Variants in ADAM32 observed in about 807,000 individuals in gnomAD.
ADAM32 encodes the protein ADAM metallopeptidase domain 32, also known as disintegrin and metalloproteinase domain-containing protein 32.
ADAM32 carries 89 observed loss-of-function variants against 114.9 expected under a neutral mutation model. That is an observed-to-expected ratio of 0.77 (90% CI 0.65 to 0.92). ADAM32 has a LOEUF of 0.92. ADAM32 is among the 40% of genes least tolerant of loss of function. ADAM32 has a pLI of 0.00. For missense variants in ADAM32, 870 were observed against 932.8 expected (o/e 0.93, Z 0.88); for synonymous variants, 285 against 307.5 (o/e 0.93, Z 0.77).
rs541044060 is a variant in ADAM32 at position 39,274,436 on chromosome 8, G to A, written c.2240+86G>A. On this transcript the variant is annotated intron_variant, in intron 21 of 24. Coordinates refer to ENST00000379907, the MANE Select transcript of ADAM32 (RefSeq NM_145004.7). ...TCACAATTTATTTCTAAATATTTTT[G>A]AACAATGTCAATTGGTAAAGCAATG... 1.5e-4 allele frequency: 221 copies of A among 1,463,134 alleles called. No homozygotes were observed. The East Asian group carries it at 4.9e-3, about 32-fold the overall frequency. The allele number at this position is 1,463,134 out of a possible 1,614,324, so 90.6% of individuals were successfully genotyped here.
chr8:39,278,358 C>T (rs953900230), intron 22 of ADAM32, among the ~76,000 whole-genome samples: 10 of 152,210 alleles, frequency 6.6e-5, no homozygotes, highest in Admixed American at 1.3e-4. Context: ...TGGTGGTTTC[C>T]GGCTTTTCGG....
chr8:39,123,432 T>G (rs1034638817), intron 2 of ADAM32, among the ~76,000 whole-genome samples: 3 of 152,226 alleles, frequency 2.0e-5, no homozygotes, highest in Non-Finnish European at 2.9e-5. Flanking sequence ...ACTGGGGGTT[T>G]GGTTTTCAAC....
chr8:39,171,479 T>TA (rs1269596113), intron 10 of ADAM32, among the ~76,000 whole-genome samples: 4 of 152,028 alleles, frequency 2.6e-5, no homozygotes, highest in Admixed American at 2.6e-4. Flanking sequence ...TCTATATATA[T>TA]TTTTTTGCAA....
intron 12 of ADAM32, among the ~76,000 whole-genome samples, chr8:39,216,094 A>T (rs1016777507): frequency 3.3e-5 from 5 of 152,022 alleles, no homozygotes; most frequent in Non-Finnish European, 7.4e-5. Context: ...TGTTGGGTGC[A>T]TATGTATTTA....
intron 12 of ADAM32, among the ~76,000 whole-genome samples, chr8:39,216,974 C>T (rs7816478): frequency 0.028 from 4,184 of 151,820 alleles, 215 homozygotes; most frequent in African/African-American, 0.095. Flanking sequence ...TATTATCACT[C>T]GTTAACGTCC....
chr8:39,282,833 C>A (rs907645381), intron 23 of ADAM32, among the ~76,000 whole-genome samples: 5 of 151,888 alleles, frequency 3.3e-5, no homozygotes, highest in Non-Finnish European at 7.4e-5. Context: ...AAATACAGAT[C>A]TTTTTATTGG....
rs182694224 is a variant in ADAM32 at position 39,173,696 on chromosome 8, A to G, written c.915+3699A>G. On this transcript the variant is annotated intron_variant, in intron 10 of 24. Transcript: ENST00000379907. ...ATCCCATTTGTCAGTTTTTGCTTTT[A>G]TTATGATTGCTTTTTTCATTTTTGT... 3.4e-3 allele frequency among the ~76,000 whole-genome samples: 514 copies of G among 152,112 alleles called. 7 individuals are homozygous for G. The highest frequency in any genetic ancestry group is 0.011 in the African/African-American group (469 of 41,516).
intron 19 of ADAM32, among the ~76,000 whole-genome samples, chr8:39,265,271 T>C (rs945386134): frequency 9.9e-5 from 15 of 152,166 alleles, no homozygotes; most frequent in Non-Finnish European, 1.8e-4. Flanking sequence ...TGTCCTTTTT[T>C]ATTGTTTTTG....
At chr8:39,174,366 C>G (rs924458997) in intron 10 of ADAM32, among the ~76,000 whole-genome samples, 1 of 152,046 alleles carries the variant, frequency 6.6e-6, no homozygotes, top group Non-Finnish European at 1.5e-5. Flanking sequence ...GTTACTGTAG[C>G]CTTGTAGTAT....
At chr8:39,197,151 A>G (rs2129447670) in intron 11 of ADAM32, among the ~76,000 whole-genome samples, 1 of 152,072 alleles carries the variant, frequency 6.6e-6, no homozygotes, top group Admixed American at 6.5e-5. Context: ...ATAGATTCTA[A>G]TGATTTTTTG....
chr8:39,249,121 G>T (rs1023700721), intron 17 of ADAM32, among the ~76,000 whole-genome samples: 2 of 152,020 alleles, frequency 1.3e-5, no homozygotes, highest in African/African-American at 4.8e-5. Flanking sequence ...AGCCAGGATG[G>T]TCTCGATCTC....
intron 16 of ADAM32, among the ~76,000 whole-genome samples, chr8:39,244,321 C>CA (rs1264976699): frequency 1.1e-4 from 17 of 151,802 alleles, no homozygotes; most frequent in South Asian, 1.0e-3. Flanking sequence ...AAAGGCTAAG[C>CA]AAAAAAACAA....
intron 3 of ADAM32, 100 bp downstream of exon 3, chr8:39,136,818 ACT>A (rs1802834788): frequency 1.2e-6 from 1 of 841,208 alleles, no homozygotes; most frequent in African/African-American, 1.8e-5. Flanking sequence ...GGAATTATTA[ACT>A]TTTTTAATTG....
chr8:39,158,006 G>T (rs904995210), intron 6 of ADAM32: 5 of 275,884 alleles, frequency 1.8e-5, no homozygotes, highest in African/African-American at 1.1e-4. Flanking sequence ...GTCTTGTAGG[G>T]CAGCTTCTTG....
intron 15 of ADAM32, 40 bp downstream of exon 15, chr8:39,232,175 T>C (rs775353898): frequency 2.0e-6 from 3 of 1,493,966 alleles, no homozygotes. Flanking sequence ...TCTTATATTC[T>C]ATTAGATTTT....
At chr8:39,238,515 A>G (rs181854939) in intron 16 of ADAM32, among the ~76,000 whole-genome samples, 6 of 152,308 alleles carry the variant, frequency 3.9e-5, no homozygotes, top group Admixed American at 1.3e-4. Flanking sequence ...TATGACAAAA[A>G]CATGGTTCTA....
intron 3 of ADAM32, among the ~76,000 whole-genome samples, chr8:39,138,785 C>T (rs9650326): frequency 0.28 from 43,284 of 152,064 alleles, 6,216 homozygotes; most frequent in Middle Eastern, 0.34. Context: ...TTTACACACC[C>T]ACCAACAGTG....
intron 1 of ADAM32, among the ~76,000 whole-genome samples, chr8:39,109,710 A>G (rs1035989969): frequency 2.0e-5 from 3 of 152,190 alleles, no homozygotes; most frequent in Admixed American, 1.3e-4. Context: ...CATTTGTTAC[A>G]ATTGAGCCTA....
At position 39,118,316 on chromosome 8, in the gene ADAM32, A is replaced by T. The variant is rs550231580; in HGVS notation, c.138+151A>T. The stretch of plus-strand genomic sequence containing the variant: ...ATTAAAAGCTTTGATGGTAAAAGCA[A>T]ATAGGTAAATTAGAATGTTCTGTAT... On this transcript the variant is annotated intron_variant, in intron 2 of 24. Coordinates refer to ENST00000379907, the MANE Select transcript of ADAM32 (RefSeq NM_145004.7). Among the ~76,000 whole-genome samples the T allele has an allele frequency of 3.1e-4, 47 of 152,244 alleles. 1 individual carries two copies. The highest frequency in any genetic ancestry group is 1.3e-3 in the Admixed American group (20 of 15,296).
Sources: allele counts gnomAD v4.1 joint callset (sites outside exome capture counted in the v4.1 genomes callset), GRCh38; gene constraint gnomAD v4.1.1; transcripts MANE v1.5; gene names NCBI Gene and HGNC (gene_info 2026-07-23, HGNC 2026-07-21).